The following PDE8B variants were observed in gnomAD, a reference collection of about 807,000 sequenced individuals.
PDE8B encodes the protein high affinity cAMP-specific and IBMX-insensitive 3',5'-cyclic phosphodiesterase 8B.
Under a neutral mutation model 101.3 loss-of-function variants are expected in PDE8B, and 26 were observed. The ratio of observed to expected loss-of-function variants is 0.26; its 90% CI spans 0.19 to 0.36. The LOEUF (loss-of-function observed/expected upper bound fraction) is 0.36, where lower values mean the gene tolerates loss of function less well. Among genes scored for constraint, PDE8B ranks in the 10% least tolerant of loss-of-function variants. The probability of loss-of-function intolerance (pLI) is 1.00; values close to 1 mark genes in which losing one functional copy is unlikely to be tolerated. For missense variants in PDE8B, 810 were observed against 1,163.1 expected, an observed-to-expected ratio of 0.70 and a Z score of 4.42; for synonymous variants, 424 against 429.3, an observed-to-expected ratio of 0.99 and a Z score of 0.15.
chr5:77,383,756 G>GT (rs1411628250), intron 10 of PDE8B, among the ~76,000 whole-genome samples: 2 of 152,262 alleles, frequency 1.3e-5, no homozygotes, highest in East Asian at 1.9e-4. Context: ...CCCATTGCTT[G>GT]TTTTTGTCAG....
intron 7 of PDE8B, among the ~76,000 whole-genome samples, chr5:77,346,929 A>G (rs183539871): frequency 6.6e-6 from 1 of 152,332 alleles, no homozygotes; most frequent in East Asian, 1.9e-4. Context: ...ACTTGATATC[A>G]GCATCCTTTT....
the PDE8B span, among the ~76,000 whole-genome samples, chr5:77,192,536 A>G: frequency 6.6e-6 from 1 of 152,194 alleles, no homozygotes; most frequent in Non-Finnish European, 1.5e-5. Flanking sequence ...GTAGAAGTCT[A>G]TTTTATGGGT....
chr5:77,307,977 T>C (rs1771641213), intron 1 of PDE8B, among the ~76,000 whole-genome samples: 1 of 152,230 alleles, frequency 6.6e-6, no homozygotes, highest in African/African-American at 2.4e-5. Flanking sequence ...TTCTTTGAAG[T>C]AGAGAATCTT....
chr5:77,411,051 G>A (rs984214996), intron 14 of PDE8B: 1 of 152,966 alleles, frequency 6.5e-6, no homozygotes, highest in African/African-American at 2.4e-5. Context: ...CCAGGATATG[G>A]CCAAGCATTG....
At chr5:77,384,595 T>G (rs1360640273) in intron 10 of PDE8B, among the ~76,000 whole-genome samples, 1 of 152,222 alleles carries the variant, frequency 6.6e-6, no homozygotes, top group African/African-American at 2.4e-5. Context: ...TTCAGTATGA[T>G]ATTGGCTGTG....
At chr5:77,207,835 A>G (rs1174372518), upstream of PDE8B, among the ~76,000 whole-genome samples, 1 of 152,214 alleles carries the variant, frequency 6.6e-6, no homozygotes, top group Non-Finnish European at 1.5e-5. Flanking sequence ...TGGAGATTAT[A>G]AGGACACATT....
intron 1 of PDE8B, among the ~76,000 whole-genome samples, chr5:77,275,805 T>C (rs1314970445): frequency 1.3e-5 from 2 of 152,208 alleles, no homozygotes; most frequent in Non-Finnish European, 2.9e-5. Flanking sequence ...CATTTAAATA[T>C]CTCAAATGAA....
intron 1 of PDE8B, among the ~76,000 whole-genome samples, chr5:77,281,651 C>T (rs1442213235): frequency 1.3e-5 from 2 of 152,140 alleles, no homozygotes; most frequent in South Asian, 2.1e-4. Context: ...GAGGTAGGCC[C>T]CCCACCCCAG....
intron 10 of PDE8B, among the ~76,000 whole-genome samples, chr5:77,355,449 C>T (rs931814220): frequency 2.6e-5 from 4 of 152,156 alleles, no homozygotes; most frequent in African/African-American, 9.7e-5. Flanking sequence ...TGTCTGCAGG[C>T]GGTTCCGGTG....
the PDE8B span, among the ~76,000 whole-genome samples, chr5:77,125,578 A>T: frequency 6.6e-6 from 1 of 152,258 alleles, no homozygotes; most frequent in African/African-American, 2.4e-5. Flanking sequence ...GTCAAAACAG[A>T]CGAATGGATG....
the PDE8B span, among the ~76,000 whole-genome samples, chr5:77,157,522 A>C: frequency 1.2e-4 from 18 of 152,242 alleles, no homozygotes; most frequent in African/African-American, 4.1e-4. Context: ...GTTAAGAGAC[A>C]ATCACAACGA....
intron 1 of PDE8B, chr5:77,290,172 TA>T: frequency 6.9e-7 from 1 of 1,446,664 alleles, no homozygotes; most frequent in Non-Finnish European, 9.5e-7. Context: ...GGTCTTACAT[TA>T]AAAACCATTG....
At chr5:77,407,513 G>A in intron 13 of PDE8B, 56 bp downstream of exon 13, 1 of 1,248,986 alleles carries the variant, frequency 8.0e-7, no homozygotes, top group Non-Finnish European at 1.2e-6. Context: ...ACAGGGCCGT[G>A]CTCTGAAAAT....
chr5:77,157,278 A>G, the PDE8B span, among the ~76,000 whole-genome samples: 1 of 152,196 alleles, frequency 6.6e-6, no homozygotes, highest in African/African-American at 2.4e-5. Flanking sequence ...ACTGTTTTTT[A>G]AAGAATAAAA....
intron 1 of PDE8B, among the ~76,000 whole-genome samples, chr5:77,268,604 C>T (rs577336103): frequency 1.3e-5 from 2 of 151,692 alleles, no homozygotes; most frequent in African/African-American, 4.8e-5. Flanking sequence ...TAAGTGAGAA[C>T]ATGTGATGTT....
the PDE8B span, among the ~76,000 whole-genome samples, chr5:77,098,293 T>A: frequency 0.054 from 7,793 of 145,048 alleles, 365 homozygotes; most frequent in African/African-American, 0.13. Flanking sequence ...TTTTTTTTTT[T>A]AAAAAAAAAA....
At chr5:77,398,899 G>A (rs528851197) in intron 10 of PDE8B, among the ~76,000 whole-genome samples, 3 of 152,328 alleles carry the variant, frequency 2.0e-5, no homozygotes, top group Non-Finnish European at 2.9e-5. Context: ...CTTACCACAC[G>A]TCAGAGTGGG....
intron 10 of PDE8B, among the ~76,000 whole-genome samples, chr5:77,356,836 G>A (rs1215441491): frequency 6.6e-6 from 1 of 152,126 alleles, no homozygotes; most frequent in Non-Finnish European, 1.5e-5. Flanking sequence ...GACAGACCTG[G>A]TCTGGACTTT....
At chr5:77,156,134 C>T in the PDE8B span, among the ~76,000 whole-genome samples, 4 of 152,166 alleles carry the variant, frequency 2.6e-5, no homozygotes, top group African/African-American at 9.7e-5. Flanking sequence ...TGAGCACGCA[C>T]TGATTAACAG....
Sources: gnomAD v4.1 joint callset for allele counts (sites outside exome capture counted in the v4.1 genomes callset) on GRCh38, gnomAD v4.1.1 for gene constraint, MANE v1.5 for transcripts, NCBI Gene and HGNC (gene_info 2026-07-23, HGNC 2026-07-21) for gene names.